TTLL1: variants seen among roughly 807,000 people sequenced by gnomAD.
The protein encoded by TTLL1 is TTL family tubulin polyglutamylase complex subunit L1, also known as polyglutamylase complex subunit TTLL1.
Under a neutral mutation model 47.8 loss-of-function variants are expected in TTLL1, and 33 were observed. That is an observed-to-expected ratio of 0.69 (90% CI 0.52 to 0.92). The LOEUF is 0.92. Among genes scored for constraint, TTLL1 ranks in the 40% least tolerant of loss-of-function variants. The probability of loss-of-function intolerance (pLI) is 0.00; values close to 1 mark genes in which losing one functional copy is unlikely to be tolerated. For synonymous variants in TTLL1, 225 were observed against 214.1 expected, an observed-to-expected ratio of 1.05 and a Z score of -0.45; for missense variants, 488 against 547.5, an observed-to-expected ratio of 0.89 and a Z score of 1.08.
chr22:43,078,672 C>T lies in TTLL1; in HGVS notation c.-5+1230G>A, dbSNP rs77771351. Among the ~76,000 whole-genome samples, 1,437 of 152,176 alleles carry T rather than the reference C, an allele frequency of 9.4e-3. 9 individuals carry two copies. The highest frequency in any genetic ancestry group is 0.016 in the Non-Finnish European group (1,071 of 67,980). ...GGCCTTTGGCAGGATGATGACAACA[C>T]CCAGGTCACAGGGTCAATGAGCAAT... On this transcript the variant is annotated intron_variant, in intron 2 of 10. Coordinates refer to ENST00000266254, the MANE Select transcript of TTLL1 (RefSeq NM_012263.5).
At chr22:43,073,598 C>G (rs1375142962) in intron 3 of TTLL1, among the ~76,000 whole-genome samples, 1 of 151,836 alleles carries the variant, frequency 6.6e-6, no homozygotes, top group Non-Finnish European at 1.5e-5. Context: ...TCAGGTGATG[C>G]ACCCGCCTTG....
chr22:43,062,321 T>C (rs1164671692), intron 7 of TTLL1, among the ~76,000 whole-genome samples: 1 of 151,548 alleles, frequency 6.6e-6, no homozygotes, highest in African/African-American at 2.4e-5. Context: ...GGAAATCCCA[T>C]CTCTACTAAA....
At chr22:43,048,764 C>G (rs1187264059) in intron 9 of TTLL1, among the ~76,000 whole-genome samples, 1 of 151,764 alleles carries the variant, frequency 6.6e-6, no homozygotes, top group Non-Finnish European at 1.5e-5. Flanking sequence ...TGGTAAAACC[C>G]CATCTCTACT....
chr22:43,056,654 G>A (rs532723708), intron 8 of TTLL1, among the ~76,000 whole-genome samples: 3 of 151,522 alleles, frequency 2.0e-5, no homozygotes, highest in African/African-American at 7.3e-5. Context: ...GTATGGTGAC[G>A]CGCACCTGTA....
At chr22:43,065,872 T>A (rs1325298778) in intron 5 of TTLL1, among the ~76,000 whole-genome samples, 1 of 151,878 alleles carries the variant, frequency 6.6e-6, no homozygotes, top group Admixed American at 6.6e-5. Context: ...AACCTAAAAC[T>A]GCTCTAAAAA....
Position 43,059,455 on chromosome 22 carries a change from C to T in TTLL1, c.820G>A (p.Gly274Ser), listed in dbSNP as rs566960165. 1.9e-5 allele frequency: 30 copies of T among 1,614,070 alleles called. No individual in the cohort carries two copies. The highest frequency in any genetic ancestry group is 4.5e-5 in the East Asian group (2 of 44,866). Residue 274 changes from glycine (G) to serine (S), a missense_variant, in exon 8 of 11, where the codon GGC becomes AGC. Physicochemically the swap from Gly to Ser is moderately conservative, Grantham distance 56. Transcript: ENST00000266254. ...NLRLYLESTR[G>S]KEVTSKLFDE... ...AACAGCTTGCTGGTCACCTCCTTGC[C>T]GCGGGTGCTCTCCAGGTAGAGCCGC...
intron 5 of TTLL1, among the ~76,000 whole-genome samples, chr22:43,067,861 T>C (rs897294706): frequency 6.6e-6 from 1 of 151,756 alleles, no homozygotes; most frequent in African/African-American, 2.4e-5. Context: ...CTGGAGTGCA[T>C]GGCGCGATCT....
chr22:43,067,844 AC>A (rs1398632153), intron 5 of TTLL1, among the ~76,000 whole-genome samples: 14 of 151,738 alleles, frequency 9.2e-5, no homozygotes, highest in Non-Finnish European at 1.5e-5. Flanking sequence ...TCACTCTGTC[AC>A]CCAGGCTGGA....
At chr22:43,048,452 C>T (rs1459596040) in intron 9 of TTLL1, among the ~76,000 whole-genome samples, 2 of 144,944 alleles carry the variant, frequency 1.4e-5, no homozygotes, top group Non-Finnish European at 3.0e-5. Flanking sequence ...CTAGGCAACA[C>T]AGCGAGACCC....
intron 5 of TTLL1, among the ~76,000 whole-genome samples, chr22:43,065,962 C>T (rs6003023): frequency 0.093 from 14,170 of 151,618 alleles, 881 homozygotes; most frequent in African/African-American, 0.17. Flanking sequence ...AGTTCAAGAC[C>T]AGCCTAACCA....
At chr22:43,080,454 AAG>A (rs1446545410) in intron 1 of TTLL1, among the ~76,000 whole-genome samples, 3 of 152,222 alleles carry the variant, frequency 2.0e-5, no homozygotes, top group African/African-American at 7.2e-5. Context: ...AGATGCTCTT[AAG>A]AGTCTTCCCA....
At chr22:43,064,740 G>T (rs966057003) in intron 5 of TTLL1, among the ~76,000 whole-genome samples, 11 of 149,918 alleles carry the variant, frequency 7.3e-5, no homozygotes, top group African/African-American at 2.5e-4. Context: ...AAATAAATAA[G>T]TAAATAAATA....
chr22:43,051,915 A>G (rs767257595), intron 8 of TTLL1, 28 bp from the exon 9 acceptor site: 43 of 1,609,148 alleles, frequency 2.7e-5, no homozygotes, highest in Non-Finnish European at 3.2e-5. Flanking sequence ...AGTGGGTGAC[A>G]TGGCCAGCAT....
Position 43,072,131 on chromosome 22 carries a change from G to A in TTLL1, c.114-2287C>T, listed in dbSNP as rs141435567. ...AGAGTGAAGTAGTGGCAAGAACTTC[G>A]CAACCATCTTTATTTTCTTTTTCTT... On this transcript the variant is annotated intron_variant, in intron 3 of 10. Coordinates refer to ENST00000266254, the MANE Select transcript of TTLL1 (RefSeq NM_012263.5). Among the ~76,000 whole-genome samples the A allele has an allele frequency of 8.6e-3, 1,298 of 151,774 alleles. 9 individuals carry two copies. Among genetic ancestry groups the A allele is most frequent in the Non-Finnish European group, 0.013 (885 of 67,910 alleles).
intron 3 of TTLL1, among the ~76,000 whole-genome samples, chr22:43,072,239 C>T (rs1043707346): frequency 1.6e-4 from 24 of 150,780 alleles, no homozygotes; most frequent in African/African-American, 5.9e-4. Context: ...CTGCAATCTC[C>T]GCCTCCCGGG....
intron 7 of TTLL1, among the ~76,000 whole-genome samples, chr22:43,063,315 C>G (rs1016582513): frequency 1.3e-5 from 2 of 152,294 alleles, no homozygotes; most frequent in African/African-American, 4.8e-5. Flanking sequence ...CGGCATTCAG[C>G]TGATGTGTCC....
At chr22:43,075,056 T>G (rs995950034) in intron 3 of TTLL1, among the ~76,000 whole-genome samples, 1 of 152,114 alleles carries the variant, frequency 6.6e-6, no homozygotes, top group Non-Finnish European at 1.5e-5. Flanking sequence ...TCCCAGGTAC[T>G]TGGGAGCCTA....
chr22:43,047,876 C>T (rs1315839831), intron 9 of TTLL1, among the ~76,000 whole-genome samples: 6 of 152,276 alleles, frequency 3.9e-5, no homozygotes, highest in Middle Eastern at 3.4e-3. Flanking sequence ...GTTTACATTT[C>T]TCCCAGTCAG....
chr22:43,085,776 T>A (rs551264589), intron 1 of TTLL1, among the ~76,000 whole-genome samples: 2 of 151,992 alleles, frequency 1.3e-5, no homozygotes, highest in African/African-American at 4.8e-5. Context: ...AAGAGGAGAG[T>A]GTGCAGCCTG....
Sources: allele counts gnomAD v4.1 joint callset (sites outside exome capture counted in the v4.1 genomes callset), GRCh38; gene constraint gnomAD v4.1.1; transcripts MANE v1.5; gene names NCBI Gene and HGNC (gene_info 2026-07-23, HGNC 2026-07-21).